The following HMGA2 variants were observed in gnomAD, a reference collection of about 807,000 sequenced individuals.
HMGA2 encodes high mobility group AT-hook 2.
Under a neutral mutation model 19.1 loss-of-function variants are expected in HMGA2, and 8 were observed. That is an observed-to-expected ratio of 0.42 (90% CI 0.25 to 0.76). The LOEUF is 0.76. Among genes scored for constraint, HMGA2 ranks in the 30% least tolerant of loss-of-function variants. The probability of loss-of-function intolerance (pLI) is 0.28; values close to 1 mark genes in which losing one functional copy is unlikely to be tolerated. For synonymous variants in HMGA2, 60 were observed against 48.8 expected, an observed-to-expected ratio of 1.23 and a Z score of -0.96; for missense variants, 109 against 136.3, an observed-to-expected ratio of 0.80 and a Z score of 1.00.
Position 65,964,417 on chromosome 12 carries a change from T to C in HMGA2, c.*1125T>C, listed in dbSNP as rs1423429869. The C allele has an allele frequency of 2.2e-5, 5 of 226,042 alleles. No individual in the cohort carries two copies. Among genetic ancestry groups the C allele is most frequent in the Non-Finnish European group, 4.4e-5 (5 of 113,370 alleles). The allele number at this position is 226,042 out of a possible 1,614,324, so 14.0% of individuals were successfully genotyped here. A position where few individuals can be genotyped will look rare whatever the true frequency, so the allele number is the denominator to read the frequency against. ...TACCACTTACCTCAAATTAAGCATA[T>C]GTGTTACTTCAAGTAATACGTTTTG... On this transcript the variant is annotated 3_prime_UTR_variant, in exon 5 of 5. Transcript: ENST00000403681.
At chr12:65,867,634 G>A (rs1872496692) in intron 3 of HMGA2, 16 of 331,396 alleles carry the variant, frequency 4.8e-5, no homozygotes, top group South Asian at 4.0e-4. Flanking sequence ...AAAAGTGGAG[G>A]ATATGAGTCT....
intron 3 of HMGA2, among the ~76,000 whole-genome samples, chr12:65,909,688 T>C (rs558487101): frequency 6.6e-6 from 1 of 152,312 alleles, no homozygotes; most frequent in African/African-American, 2.4e-5. Context: ...ACCTGATGTC[T>C]TTGCCTCTTT....
intron 3 of HMGA2, chr12:65,842,828 C>G: frequency 1.5e-6 from 2 of 1,346,400 alleles, no homozygotes; most frequent in Non-Finnish European, 9.5e-7. Context: ...TCGTCACATA[C>G]CTAGTTTAGT....
intron 3 of HMGA2, chr12:65,842,494 C>T: frequency 3.2e-6 from 3 of 945,934 alleles, no homozygotes; most frequent in Non-Finnish European, 4.9e-6. Flanking sequence ...TTGACAGTAT[C>T]ATTATGTCCT....
intron 3 of HMGA2, among the ~76,000 whole-genome samples, chr12:65,840,202 A>G (rs1171902166): frequency 6.6e-6 from 1 of 152,160 alleles, no homozygotes; most frequent in Non-Finnish European, 1.5e-5. Context: ...CCAGTTATCG[A>G]TTGCTGCATA....
At chr12:65,859,950 G>A in intron 3 of HMGA2, 1 of 333,260 alleles carries the variant, frequency 3.0e-6, no homozygotes, top group Middle Eastern at 5.1e-4. Context: ...AATTAGCCAG[G>A]TGTGTGGTGG....
intron 3 of HMGA2, among the ~76,000 whole-genome samples, chr12:65,935,983 C>T (rs1023152296): frequency 6.6e-6 from 1 of 152,050 alleles, no homozygotes; most frequent in African/African-American, 2.4e-5. Context: ...CGTCCTGTTA[C>T]AGTAATATTA....
Position 65,941,167 on chromosome 12 carries a change from T to C in HMGA2, c.250-10216T>C, listed in dbSNP as rs1486872805. On this transcript the variant is annotated intron_variant, in intron 3 of 4. Transcript: ENST00000403681. ...GTAGTTCAAGACAGTTGCCTGAAGC[T>C]CCACTTAGGTTTGAGATGGAGTAGA... is the stretch of plus-strand genomic sequence containing the variant. Among the ~76,000 whole-genome samples, 7 of 152,166 alleles carry C rather than the reference T, an allele frequency of 4.6e-5. 1 individual carries two copies. In the East Asian group the frequency reaches 9.6e-4, roughly 21 times the overall value.
intron 3 of HMGA2, among the ~76,000 whole-genome samples, chr12:65,866,535 G>A (rs1204105602): frequency 1.3e-5 from 2 of 152,192 alleles, no homozygotes; most frequent in South Asian, 2.1e-4. Context: ...TTTTCCCCTC[G>A]GTTATGAGTG....
intron 3 of HMGA2, among the ~76,000 whole-genome samples, chr12:65,911,980 T>C (rs1874865330): frequency 6.6e-6 from 1 of 151,930 alleles, no homozygotes; most frequent in East Asian, 1.9e-4. Flanking sequence ...TCTATGGATC[T>C]GGCCATATCT....
At chr12:65,851,189 A>G (rs561307309) in intron 3 of HMGA2, among the ~76,000 whole-genome samples, 1 of 152,300 alleles carries the variant, frequency 6.6e-6, no homozygotes, top group East Asian at 1.9e-4. Context: ...AGTTTCAGCT[A>G]AAGTATCCAG....
At position 65,868,223 on chromosome 12, in the gene HMGA2, A is replaced by G. The variant is rs542075424; in HGVS notation, c.249+29654A>G. Among the ~76,000 whole-genome samples the G allele has an allele frequency of 2.0e-5, 3 of 152,284 alleles. No homozygotes were observed. The South Asian group carries it at 6.2e-4, about 32-fold the overall frequency. ...GGGGAAACTAGTGGTTAAATTGTTAATTCTTTGAGTCTGAAACTTTTTTCA... is the reference window on the plus strand; with the variant it reads ...GGGGAAACTAGTGGTTAAATTGTTAGTTCTTTGAGTCTGAAACTTTTTTCA... On this transcript the variant is annotated intron_variant, in intron 3 of 4. Transcript: ENST00000403681.
chr12:65,860,022 G>A (rs925703665), intron 3 of HMGA2: 2 of 452,974 alleles, frequency 4.4e-6, no homozygotes, highest in African/African-American at 4.0e-5. Context: ...AGCCTGGCAT[G>A]TCTAGCCTTC....
chr12:65,861,718 T>C (rs1872084380), intron 3 of HMGA2, among the ~76,000 whole-genome samples: 1 of 151,654 alleles, frequency 6.6e-6, no homozygotes, highest in Non-Finnish European at 1.5e-5. Flanking sequence ...TAAGAGTAAA[T>C]TGAGTAAATA....
At chr12:65,868,939 T>A (rs1872571620) in intron 3 of HMGA2, among the ~76,000 whole-genome samples, 1 of 152,232 alleles carries the variant, frequency 6.6e-6, no homozygotes, top group East Asian at 1.9e-4. Flanking sequence ...ACATTAATGC[T>A]GTCCCAAACT....
intron 3 of HMGA2, among the ~76,000 whole-genome samples, chr12:65,871,451 T>C (rs1340759716): frequency 1.3e-5 from 2 of 152,218 alleles, no homozygotes; most frequent in African/African-American, 4.8e-5. Flanking sequence ...TATAGGTTTC[T>C]TCCTTTTGTG....
chr12:65,828,098 T>C lies in HMGA2; in HGVS notation c.198+11T>C, dbSNP rs565953807. The C allele has an allele frequency of 1.9e-6, 3 of 1,598,512 alleles. No homozygotes were observed. Among genetic ancestry groups the C allele is most frequent in the Non-Finnish European group, 1.7e-6 (2 of 1,165,866 alleles). On this transcript the variant is annotated intron_variant, in intron 2 of 4. Transcript: ENST00000403681. The stretch of plus-strand genomic sequence containing the variant: ...AAAGCAGCTCAAAAGGTGAGATTTC[T>C]CAAGTCAAGCTCTCCTAACTTCATC...
chr12:65,892,706 A>G (rs1873962002), intron 3 of HMGA2, among the ~76,000 whole-genome samples: 1 of 152,076 alleles, frequency 6.6e-6, no homozygotes, highest in African/African-American at 2.4e-5. Flanking sequence ...AACGGTCCCT[A>G]AAAGTCTGGC....
chr12:65,833,759 G>A (rs1388666545), intron 2 of HMGA2, among the ~76,000 whole-genome samples: 3 of 152,172 alleles, frequency 2.0e-5, no homozygotes, highest in Non-Finnish European at 4.4e-5. Flanking sequence ...TTGGGTCTCA[G>A]TTCTACTACC....
Sources: allele counts gnomAD v4.1 joint callset (sites outside exome capture counted in the v4.1 genomes callset), GRCh38; gene constraint gnomAD v4.1.1; transcripts MANE v1.5; gene names NCBI Gene and HGNC (gene_info 2026-07-23, HGNC 2026-07-21).